Variants in PRRT4 observed in about 807,000 individuals in gnomAD.
PRRT4 encodes the protein proline-rich transmembrane protein 4.
A neutral mutation model predicts 55.6 loss-of-function variants in PRRT4; 59 were observed. The observed-to-expected ratio is 1.06, with a 90% CI of 0.86 to 1.32. PRRT4 has a LOEUF of 1.32. Among genes scored for constraint, PRRT4 ranks in the 40% most tolerant of loss-of-function variants. The pLI is 0.00. For missense variants in PRRT4, 1,217 were observed against 1,222.0 expected (o/e 1.00, Z 0.06); for synonymous variants, 606 against 601.8 (o/e 1.01, Z -0.10).
chr7:128,351,293 C>T lies in PRRT4; in HGVS notation c.2263G>A (p.Ala755Thr), dbSNP rs748562823. The T allele has an allele frequency of 3.1e-5, 48 of 1,542,306 alleles. No homozygotes were observed. In the Admixed American group the frequency reaches 6.1e-4, roughly 20 times the overall value. The change falls in exon 5 of 5, where the codon GCT becomes ACT. Residue 755 changes from alanine to threonine, a missense_variant. By Grantham distance (58) the Ala-to-Thr change is moderately conservative. This residue lies in a region of PRRT4 where 642 missense variants were observed against 600.9 expected (regional missense o/e 1.07). Coordinates refer to ENST00000535159, the Ensembl canonical transcript of PRRT4. ...CGGTAGAGTCCGAGCCCAGGCAGAG[C>T]GTCCTCGAAGGCAGGGCCCTGGAAG...
exon 5 of PRRT4, chr7:128,351,927 C>T: frequency 7.7e-7 from 1 of 1,300,662 alleles, no homozygotes; most frequent in Non-Finnish European, 9.7e-7. Context: ...GGCTGCGCCC[C>T]TGCGGCAGGG....
At chr7:128,351,722 C>T (rs1329282885) in exon 5 of PRRT4, 3 of 1,476,632 alleles carry the variant, frequency 2.0e-6, no homozygotes, top group Non-Finnish European at 2.7e-6. Flanking sequence ...AACGGGAGCG[C>T]GACGCCCACC....
At chr7:128,359,005 T>C in intron 3 of PRRT4, 144 bp downstream of exon 4, 3 of 1,176,992 alleles carry the variant, frequency 2.5e-6, no homozygotes, top group Non-Finnish European at 3.6e-6. Flanking sequence ...GAATACTCCT[T>C]CCGTGGAAGT....
At chr7:128,351,272 A>G (rs1361964008) in exon 5 of PRRT4, 6 of 1,540,474 alleles carry the variant, frequency 3.9e-6, no homozygotes, top group Non-Finnish European at 5.2e-6. Flanking sequence ...GCGGTGCGGT[A>G]GAGTCCGAGC....
At chr7:128,351,884 C>A (rs1796985119) in exon 5 of PRRT4, 3 of 1,327,122 alleles carry the variant, frequency 2.3e-6, no homozygotes, top group Middle Eastern at 2.8e-4. Context: ...GCCGTGCGCG[C>A]CGCGCGCCGC....
intron 1 of PRRT4, 43 bp downstream of exon 2, chr7:128,361,262 CG>C (rs1421517283): frequency 3.3e-5 from 5 of 152,352 alleles, no homozygotes; most frequent in Non-Finnish European, 7.3e-5. Flanking sequence ...CATGCACACA[CG>C]CGCGCGCACA....
At chr7:128,359,705 T>C (rs1310860988) in exon 2 of PRRT4, 1 of 1,551,304 alleles carries the variant, frequency 6.4e-7, no homozygotes, top group Non-Finnish European at 8.7e-7. Context: ...CCAAAGGGGG[T>C]CAGTCCTCAG....
At position 128,350,895 on chromosome 7, in the gene PRRT4, G is replaced by C. The variant is rs550035888; in HGVS notation, c.2661C>G (p.Ile887Met). Residue 887 changes from isoleucine to methionine, a missense_variant, in exon 5 of 5, where the codon ATC (isoleucine) becomes ATG (methionine). Physicochemically the swap from Ile to Met is conservative, Grantham distance 10. Around this residue, in one of 3 missense-constraint regions of PRRT4, gnomAD observed 642 missense variants for 600.9 expected, o/e 1.07. Coordinates refer to ENST00000535159, the Ensembl canonical transcript of PRRT4. ...TGTCGCTGCCCACGCTCAGCTCGTC[G>C]ATCTGTCGGCAGGCGTCCAGGAACT... 3.0e-5 allele frequency: 47 copies of C among 1,550,928 alleles called. No individual in the cohort carries two copies. The African/African-American group carries it at 6.1e-4, about 20-fold the overall frequency.
At chr7:128,356,439 G>A (rs1210038871) in intron 4 of PRRT4, among the ~76,000 whole-genome samples, 3 of 152,152 alleles carry the variant, frequency 2.0e-5, no homozygotes, top group East Asian at 1.9e-4. Flanking sequence ...AAAAAACCTG[G>A]CTTCTGCCTT....
At chr7:128,354,380 ACAG>A (rs2116462651) in intron 4 of PRRT4, among the ~76,000 whole-genome samples, 1 of 152,320 alleles carries the variant, frequency 6.6e-6, no homozygotes, top group Admixed American at 6.5e-5. Flanking sequence ...CCTGGCCAAC[ACAG>A]CAAAACCCCA....
chr7:128,354,566 AAAAAAC>A (rs763328245), intron 4 of PRRT4, among the ~76,000 whole-genome samples: 1,676 of 28,308 alleles, frequency 0.059, 11 homozygotes, highest in Middle Eastern at 0.33. Context: ...TCTGGCTCAA[AAAAAAC>A]ACACACACAC....
exon 5 of PRRT4, chr7:128,352,631 T>C (rs1419089338): frequency 6.5e-7 from 1 of 1,540,106 alleles, no homozygotes; most frequent in Non-Finnish European, 8.7e-7. Flanking sequence ...TTCCCGAGGC[T>C]GGCGGGAGGA....
intron 4 of PRRT4, among the ~76,000 whole-genome samples, chr7:128,355,614 C>G (rs1254671708): frequency 1.3e-5 from 2 of 152,210 alleles, no homozygotes; most frequent in Non-Finnish European, 2.9e-5. Context: ...TGGCATAGGT[C>G]TGGCAATGGC....
At chr7:128,350,522 A>C, downstream of PRRT4, 1 of 340,168 alleles carries the variant, frequency 2.9e-6, no homozygotes, top group Non-Finnish European at 5.5e-6. Flanking sequence ...CTCTGAGGAC[A>C]GCCCCTCTCA....
Position 128,358,680 on chromosome 7 carries a change from C to A in PRRT4, c.877+1G>T. 1 of 1,551,586 alleles carries A rather than the reference C, an allele frequency of 6.4e-7. No homozygotes were observed. The highest frequency in any genetic ancestry group is 8.7e-7 in the Non-Finnish European group (1 of 1,146,900). ...CAAGTTCAAATGAATTGGATACTTA[C>A]CTAATGATGTTGTTGCAATCGAGGC... is the stretch of plus-strand genomic sequence containing the variant. On this transcript the variant is annotated splice_donor_variant, in intron 4 of 4. Transcript: ENST00000535159. LOFTEE classifies it high-confidence loss of function. The surrounding 1 kb of genome is among the most constrained non-coding windows in gnomAD (Gnocchi z 4.4).
In PRRT4 at chr7:128,358,535, A is replaced by G. The variant is rs1797163176; in HGVS notation, c.877+146T>C. 1.3e-6 allele frequency: 1 copy of G among 762,640 alleles called. No homozygotes were observed. Among genetic ancestry groups the G allele is most frequent in the African/African-American group, 1.7e-5 (1 of 57,540 alleles). 47.2% of individuals were successfully genotyped at this position (762,640 alleles called of 1,614,324 possible). A position where few individuals can be genotyped will look rare whatever the true frequency, so the allele number is the denominator to read the frequency against. ...CAATACTTTCTCTCAGACCATTCATATATATCTCCACGGTGATGATGAAGA... is the reference window on the plus strand; with the variant it reads ...CAATACTTTCTCTCAGACCATTCATGTATATCTCCACGGTGATGATGAAGA... On this transcript the variant is annotated intron_variant, in intron 4 of 4. Coordinates refer to ENST00000535159, the Ensembl canonical transcript of PRRT4. The surrounding 1 kb of genome is among the most constrained non-coding windows in gnomAD (Gnocchi z 4.4).
downstream of PRRT4, chr7:128,350,833 A>G: frequency 2.6e-6 from 4 of 1,548,080 alleles, no homozygotes; most frequent in Non-Finnish European, 3.5e-6. Context: ...GGCATATCGC[A>G]GGGTAGCAAG....
At chr7:128,351,795 G>A (rs1796980453) in exon 5 of PRRT4, 5 of 1,421,058 alleles carry the variant, frequency 3.5e-6, no homozygotes, top group Non-Finnish European at 4.6e-6. Flanking sequence ...GGCCGGATTG[G>A]CCGCCGTAGC....
chr7:128,351,413 C>T (rs771704613), exon 5 of PRRT4: 3 of 1,537,118 alleles, frequency 2.0e-6, no homozygotes, highest in East Asian at 2.5e-5. Flanking sequence ...ACGGTGTAAT[C>T]GCTGCAGGGA....
Sources: allele counts gnomAD v4.1 joint callset (sites outside exome capture counted in the v4.1 genomes callset), GRCh38; gene constraint gnomAD v4.1.1; regional missense constraint gnomAD v4.1.1; non-coding constraint Gnocchi (gnomAD v3.1); transcripts MANE v1.5; gene names NCBI Gene and HGNC (gene_info 2026-07-23, HGNC 2026-07-21).